SPOCK3: variants seen among roughly 807,000 people sequenced by gnomAD.
The protein encoded by SPOCK3 is testican-3.
A neutral mutation model predicts 56.6 loss-of-function variants in SPOCK3; 30 were observed. The ratio of observed to expected loss-of-function variants is 0.53; its 90% CI spans 0.40 to 0.72. The LOEUF is 0.72. Among genes scored for constraint, SPOCK3 ranks in the 30% least tolerant of loss-of-function variants. SPOCK3 has a pLI of 0.00. For missense variants in SPOCK3, 527 were observed against 530.0 expected, an observed-to-expected ratio of 0.99 and a Z score of 0.06; for synonymous variants, 196 against 183.3, an observed-to-expected ratio of 1.07 and a Z score of -0.56.
intron 7 of SPOCK3, among the ~76,000 whole-genome samples, chr4:166,765,839 TG>T (rs1481394801): frequency 3.3e-5 from 5 of 152,382 alleles, no homozygotes; most frequent in African/African-American, 1.2e-4. Context: ...TTCTTCCATT[TG>T]TTTGTATCCT....
chr4:167,225,498 C>T (rs1426008639), intron 2 of SPOCK3, among the ~76,000 whole-genome samples: 1 of 151,998 alleles, frequency 6.6e-6, no homozygotes, highest in Non-Finnish European at 1.5e-5. Flanking sequence ...TTTTACCTTA[C>T]ATATTTGTAT....
intron 2 of SPOCK3, among the ~76,000 whole-genome samples, chr4:167,066,549 TAAAC>T (rs1374764076): frequency 6.6e-6 from 1 of 151,952 alleles, no homozygotes; most frequent in Admixed American, 6.6e-5. Context: ...GAAAGTATAT[TAAAC>T]ATTCAATTTT....
In SPOCK3 at chr4:166,766,407, A is replaced by C. The variant is rs192893152; in HGVS notation, c.710-11678T>G. Among the ~76,000 whole-genome samples, 12 of 152,256 alleles carry C rather than the reference A, an allele frequency of 7.9e-5. No individual in the cohort carries two copies. In the East Asian group the frequency reaches 1.9e-3, roughly 24 times the overall value. ...GAGTTTTTAGCATGAAGGGCTGTCG[A>C]ATTTTGTCAAAGGCCTTTGCTGCCT... On this transcript the variant is annotated intron_variant, in intron 7 of 10. Coordinates refer to ENST00000357545, the MANE Select transcript of SPOCK3 (RefSeq NM_001040159.2).
chr4:166,961,229 CGTGA>C (rs764816180), intron 4 of SPOCK3, among the ~76,000 whole-genome samples: 19 of 148,900 alleles, frequency 1.3e-4, no homozygotes, highest in East Asian at 1.9e-4. Flanking sequence ...CCTTTAAATA[CGTGA>C]GTCTTACCCA....
In SPOCK3 at chr4:167,212,206, TTTG is replaced by T. The variant is rs145606923; in HGVS notation, c.189+21776_189+21778del. ...TTCATTTTAGATTTTTCAGTACAGT[TTTG>T]TTTTGTTTATTTGACTTTTTAAAAA... On this transcript the variant is annotated intron_variant, in intron 2 of 10. Coordinates refer to ENST00000357545, the MANE Select transcript of SPOCK3 (RefSeq NM_001040159.2). 2.0e-3 allele frequency among the ~76,000 whole-genome samples: 303 copies of T among 152,224 alleles called. 9 individuals carry two copies. In the East Asian group the frequency reaches 0.055, roughly 28 times the overall value.
intron 8 of SPOCK3, among the ~76,000 whole-genome samples, chr4:166,747,371 C>A (rs1221391906): frequency 6.6e-6 from 1 of 152,116 alleles, no homozygotes; most frequent in Non-Finnish European, 1.5e-5. Context: ...AAAAGAGAAC[C>A]AATGACAAAA....
In SPOCK3 at chr4:166,752,567, TATATATACACACAC is replaced by T. The variant is rs1343631695; in HGVS notation, c.931+1927_931+1940del. ...CTATATGTGTGTATATATATATATATATATATACACACACACACACACACACACACACACACACA... is the reference window on the plus strand; with the variant it reads ...CTATATGTGTGTATATATATATATATACACACACACACACACACACACACA... On this transcript the variant is annotated intron_variant, in intron 8 of 10. Coordinates refer to ENST00000357545, the MANE Select transcript of SPOCK3 (RefSeq NM_001040159.2). Among the ~76,000 whole-genome samples the T allele has an allele frequency of 1.2e-3, 131 of 111,368 alleles. No individual in the cohort carries two copies. In the South Asian group the frequency reaches 0.015, roughly 12 times the overall value. 73.1% of individuals were successfully genotyped at this position (111,368 alleles called of 152,430 possible).
rs577791651 is a variant in SPOCK3 at position 166,956,211 on chromosome 4, C to T, written c.351-43468G>A. Among the ~76,000 whole-genome samples the T allele has an allele frequency of 5.3e-5, 7 of 132,300 alleles. No homozygotes were observed. The East Asian group carries it at 1.4e-3, about 27-fold the overall frequency. 86.8% of individuals were successfully genotyped at this position (132,300 alleles called of 152,430 possible). ...GCCTGAAACCATGAATAATATTAAA[C>T]CACACACATACACACACACACACAC... On this transcript the variant is annotated intron_variant, in intron 4 of 10. Transcript: ENST00000357545.
At chr4:166,967,902 A>G (rs1422931596) in intron 4 of SPOCK3, among the ~76,000 whole-genome samples, 1 of 152,196 alleles carries the variant, frequency 6.6e-6, no homozygotes, top group African/African-American at 2.4e-5. Context: ...CAAAATGCTG[A>G]TAGTGATGTG....
In SPOCK3 at chr4:167,233,937, C is replaced by T. The variant is rs200265991; in HGVS notation, c.189+48G>A. 2.1e-4 allele frequency: 332 copies of T among 1,558,996 alleles called. 1 individual carries two copies. The African/African-American group carries it at 4.1e-3, about 19-fold the overall frequency. ...CATCCGGCGGCCGCGGCCCCCGCCTCGGAGCAGCGCGCGCGTGTGCCCGGG... is the reference window on the plus strand; with the variant it reads ...CATCCGGCGGCCGCGGCCCCCGCCTTGGAGCAGCGCGCGCGTGTGCCCGGG... On this transcript the variant is annotated intron_variant, in intron 2 of 10. Transcript: ENST00000357545.
intron 6 of SPOCK3, among the ~76,000 whole-genome samples, chr4:166,857,265 G>A (rs1288365139): frequency 6.6e-6 from 1 of 152,202 alleles, no homozygotes. Context: ...GAGCTCCTCA[G>A]GGAATGTGGC....
At chr4:167,161,030 C>A (rs183246456) in intron 2 of SPOCK3, among the ~76,000 whole-genome samples, 1,541 of 152,188 alleles carry the variant, frequency 0.01, 23 homozygotes, top group African/African-American at 0.035. Flanking sequence ...CAACAAAAGA[C>A]AAAATTGACA....
intron 6 of SPOCK3, among the ~76,000 whole-genome samples, chr4:166,818,640 C>G (rs1744615368): frequency 6.6e-6 from 1 of 151,980 alleles, no homozygotes. Flanking sequence ...TAGGCACATA[C>G]TTCACTTATC....
chr4:167,232,788 T>G (rs1737309620), intron 2 of SPOCK3, among the ~76,000 whole-genome samples: 1 of 152,150 alleles, frequency 6.6e-6, no homozygotes, highest in Non-Finnish European at 1.5e-5. Context: ...AAGTAAAAAT[T>G]TGTGTTTCTT....
At chr4:167,040,394 C>T (rs1198672191) in intron 3 of SPOCK3, among the ~76,000 whole-genome samples, 1 of 152,028 alleles carries the variant, frequency 6.6e-6, no homozygotes, top group Non-Finnish European at 1.5e-5. Flanking sequence ...TAGGCAAGTC[C>T]CTTACCTTTT....
At chr4:166,991,742 C>A (rs1747812631) in intron 4 of SPOCK3, among the ~76,000 whole-genome samples, 1 of 152,076 alleles carries the variant, frequency 6.6e-6, no homozygotes, top group Admixed American at 6.6e-5. Context: ...AAACAGTATT[C>A]TTTACTGGTA....
intron 6 of SPOCK3, 127 bp from the exon 7 acceptor site, chr4:166,792,416 G>T (rs1741456629): frequency 1.0e-6 from 1 of 956,078 alleles, no homozygotes; most frequent in Admixed American, 2.7e-5. Flanking sequence ...CTGCATTTCA[G>T]CTTTTTCAAA....
chr4:166,901,545 G>A (rs1367506047), intron 5 of SPOCK3, among the ~76,000 whole-genome samples: 3 of 152,114 alleles, frequency 2.0e-5, no homozygotes, highest in Non-Finnish European at 4.4e-5. Flanking sequence ...TTTCTGAAAG[G>A]CATTCAGGTC....
chr4:166,877,358 T>A (rs1380784757), intron 6 of SPOCK3, among the ~76,000 whole-genome samples: 2 of 152,168 alleles, frequency 1.3e-5, no homozygotes, highest in Non-Finnish European at 2.9e-5. Flanking sequence ...GTAAATTCTG[T>A]TATTAGAGTT....
Sources: gnomAD v4.1 joint callset for allele counts (sites outside exome capture counted in the v4.1 genomes callset) on GRCh38, gnomAD v4.1.1 for gene constraint, MANE v1.5 for transcripts, NCBI Gene and HGNC (gene_info 2026-07-23, HGNC 2026-07-21) for gene names.